TAFA2: variants seen among roughly 807,000 people sequenced by gnomAD.
The protein encoded by TAFA2 is TAFA chemokine like family member 2.
In TAFA2, 7 loss-of-function variants were observed where a neutral mutation model predicts 18.8. The observed-to-expected ratio is 0.37, with a 90% CI of 0.21 to 0.70. TAFA2 has a LOEUF of 0.70. TAFA2 is among the 30% of genes least tolerant of loss of function. TAFA2 has a pLI of 0.53. For missense variants in TAFA2, 122 were observed against 158.1 expected (o/e 0.77, Z 1.23); for synonymous variants, 60 against 54.2 (o/e 1.11, Z -0.47).
At chr12:61,717,591 T>C (rs1869717806) in intron 4 of TAFA2, among the ~76,000 whole-genome samples, 2 of 152,208 alleles carry the variant, frequency 1.3e-5, no homozygotes, top group South Asian at 4.1e-4. Context: ...TGAACTATAC[T>C]CAGTTATCTA....
chr12:61,823,383 A>T (rs1872402178), intron 2 of TAFA2, among the ~76,000 whole-genome samples: 2 of 152,214 alleles, frequency 1.3e-5, no homozygotes, highest in South Asian at 2.1e-4. Context: ...GTAAAAAAAA[A>T]TTCCAAAACC....
intron 1 of TAFA2, among the ~76,000 whole-genome samples, chr12:61,986,970 T>C (rs1879841613): frequency 6.6e-6 from 1 of 152,172 alleles, no homozygotes; most frequent in Non-Finnish European, 1.5e-5. Flanking sequence ...GTCAAGAAAA[T>C]GGACTTCGGC....
At chr12:62,096,772 G>A (rs928971484) in intron 1 of TAFA2, among the ~76,000 whole-genome samples, 5 of 152,080 alleles carry the variant, frequency 3.3e-5, no homozygotes, top group East Asian at 1.9e-4. Context: ...TGTCACTCTC[G>A]TGCAGTTTGC....
rs554176783 is a variant in TAFA2, at chr12:61,878,617, G to C, written c.-1-11191C>G. On this transcript the variant is annotated intron_variant, in intron 1 of 4. Coordinates refer to ENST00000416284, the MANE Select transcript of TAFA2 (RefSeq NM_178539.5). ...TATTTGTTGAATAAATAAATAGATGGAAGAAACACTACATATGTCCTTTTA... is the reference window on the plus strand; with the variant it reads ...TATTTGTTGAATAAATAAATAGATGCAAGAAACACTACATATGTCCTTTTA... Among the ~76,000 whole-genome samples, 5 of 152,192 alleles carry C rather than the reference G, an allele frequency of 3.3e-5. No homozygotes were observed. The East Asian group carries it at 9.7e-4, about 29-fold the overall frequency.
At chr12:61,969,073 TTC>T (rs1415647192) in intron 1 of TAFA2, among the ~76,000 whole-genome samples, 2 of 151,696 alleles carry the variant, frequency 1.3e-5, no homozygotes, top group African/African-American at 4.8e-5. Flanking sequence ...TGAGCAAGTG[TTC>T]TGTTTTTCCC....
rs1441474742 is a variant in TAFA2, at chr12:61,725,455, T to A, written c.385-15038A>T. 2.0e-5 allele frequency among the ~76,000 whole-genome samples: 3 copies of A among 152,204 alleles called. No homozygotes were observed. In the East Asian group the frequency reaches 5.8e-4, roughly 29 times the overall value. On this transcript the variant is annotated intron_variant, in intron 4 of 4. Coordinates refer to ENST00000416284, the MANE Select transcript of TAFA2 (RefSeq NM_178539.5). ...GCCTTTGATCCATCTTGGGTTGATT[T>A]TTTTATAAGGTGGGAGATGAGGATC...
At chr12:62,189,940 TTGTGTG>T (rs10643306) in intron 1 of TAFA2, among the ~76,000 whole-genome samples, 29 of 142,020 alleles carry the variant, frequency 2.0e-4, no homozygotes, top group African/African-American at 4.2e-4. Flanking sequence ...TGAGTTTGCT[TTGTGTG>T]TGTGTGTGTG....
intron 1 of TAFA2, among the ~76,000 whole-genome samples, chr12:62,212,070 C>G (rs184602633): frequency 1.3e-5 from 2 of 152,246 alleles, no homozygotes; most frequent in Admixed American, 1.3e-4. Context: ...AACCTGTAGT[C>G]AAGCAATAAA....
At chr12:62,010,897 A>G (rs1353319317) in intron 1 of TAFA2, among the ~76,000 whole-genome samples, 976 of 59,468 alleles carry the variant, frequency 0.016, 29 homozygotes, top group Middle Eastern at 0.029. Context: ...GGAGGTGGGG[A>G]GCGCCTCTGC....
At chr12:62,226,569 A>C (rs1242645680) in intron 1 of TAFA2, among the ~76,000 whole-genome samples, 3 of 152,042 alleles carry the variant, frequency 2.0e-5, no homozygotes, top group African/African-American at 7.2e-5. Context: ...ATCACCTCCA[A>C]ATCTTTAATA....
chr12:61,922,554 G>A (rs545626281), intron 1 of TAFA2, among the ~76,000 whole-genome samples: 19 of 152,308 alleles, frequency 1.2e-4, no homozygotes, highest in Non-Finnish European at 1.9e-4. Flanking sequence ...TGTGAGGGAC[G>A]GTGCTATCCG....
At chr12:62,072,204 C>A (rs1296506913) in intron 1 of TAFA2, among the ~76,000 whole-genome samples, 3 of 152,072 alleles carry the variant, frequency 2.0e-5, no homozygotes, top group Non-Finnish European at 4.4e-5. Context: ...GTGGCTCACG[C>A]CTGTAATCCC....
At chr12:62,240,420 G>A (rs61919225) in intron 1 of TAFA2, among the ~76,000 whole-genome samples, 1 of 124,196 alleles carries the variant, frequency 8.1e-6, no homozygotes, top group African/African-American at 2.9e-5. Context: ...CTCTGTCTCA[G>A]GGAAAAAAAA....
chr12:62,022,695 C>T (rs1187422762), intron 1 of TAFA2, among the ~76,000 whole-genome samples: 1 of 152,180 alleles, frequency 6.6e-6, no homozygotes, highest in Non-Finnish European at 1.5e-5. Context: ...ATATTCTTGT[C>T]TGCTCTTAGG....
chr12:62,090,875 G>A (rs1403754546), intron 1 of TAFA2, among the ~76,000 whole-genome samples: 1 of 151,918 alleles, frequency 6.6e-6, no homozygotes, highest in Non-Finnish European at 1.5e-5. Context: ...AGGATAACTA[G>A]TTTGGGCCAA....
intron 1 of TAFA2, chr12:61,879,737 A>G (rs1875034330): frequency 1.6e-6 from 2 of 1,214,074 alleles, no homozygotes; most frequent in South Asian, 2.4e-5. Flanking sequence ...CATGGACAAC[A>G]TGTTCCAGAG....
At chr12:62,259,385 G>A (rs1440215532), upstream of TAFA2, 1 of 152,274 alleles carries the variant, frequency 6.6e-6, no homozygotes, top group Non-Finnish European at 1.5e-5. Flanking sequence ...AGCTCTTAAA[G>A]AGTTTACATT....
At chr12:61,765,972 T>C (rs1869772843) in intron 2 of TAFA2, among the ~76,000 whole-genome samples, 1 of 152,090 alleles carries the variant, frequency 6.6e-6, no homozygotes, top group Admixed American at 6.6e-5. Context: ...CATTAACTCC[T>C]CCACCCCTCA....
At chr12:62,180,538 A>C (rs575856106) in intron 1 of TAFA2, among the ~76,000 whole-genome samples, 11 of 152,336 alleles carry the variant, frequency 7.2e-5, no homozygotes, top group Admixed American at 7.2e-4. Flanking sequence ...ATAATCTAAT[A>C]AACTGAACTT....
Sources: gnomAD v4.1 joint callset for allele counts (sites outside exome capture counted in the v4.1 genomes callset) on GRCh38, gnomAD v4.1.1 for gene constraint, MANE v1.5 for transcripts, NCBI Gene and HGNC (gene_info 2026-07-23, HGNC 2026-07-21) for gene names.